IL23R: variants seen among roughly 807,000 people sequenced by gnomAD.
The protein encoded by IL23R is interleukin 23 receptor.
IL23R carries 34 observed loss-of-function variants against 56.9 expected under a neutral mutation model. The observed-to-expected ratio is 0.60, with a 90% CI of 0.45 to 0.80. IL23R has a LOEUF of 0.80. Among genes scored for constraint, IL23R ranks in the 30% least tolerant of loss-of-function variants. IL23R has a pLI of 0.00. For missense variants in IL23R, 635 were observed against 730.0 expected, an observed-to-expected ratio of 0.87 and a Z score of 1.50; for synonymous variants, 230 against 249.2, an observed-to-expected ratio of 0.92 and a Z score of 0.73.
chr1:67,219,346 C>A (rs993339369), intron 6 of IL23R, among the ~76,000 whole-genome samples: 1 of 152,074 alleles, frequency 6.6e-6, no homozygotes, highest in Non-Finnish European at 1.5e-5. Flanking sequence ...CCAGCCTGGG[C>A]AATAGAGCGA....
intron 1 of IL23R, among the ~76,000 whole-genome samples, chr1:67,150,248 C>CTTTTTTTTTTTTTTTTTTT (rs552806817): frequency 3.6e-5 from 4 of 110,262 alleles, no homozygotes; most frequent in Non-Finnish European, 3.5e-5. Flanking sequence ...GCATTTCGAA[C>CTTTTTTTTTTTTTTTTTTT]TTTTTTTTTT....
intron 9 of IL23R, 72 bp downstream of exon 9, chr1:67,240,353 C>A (rs1651769337): frequency 1.1e-6 from 1 of 901,268 alleles, no homozygotes; most frequent in Non-Finnish European, 1.8e-6. Flanking sequence ...TTAGTCATTT[C>A]AGTTGTTTAC....
rs569973121 is a variant in IL23R at position 67,214,606 on chromosome 1, G to T, written c.799-4968G>T. 3.3e-5 allele frequency among the ~76,000 whole-genome samples: 5 copies of T among 152,280 alleles called. No homozygotes were observed. In the East Asian group the frequency reaches 9.6e-4, roughly 29 times the overall value. ...GAATGAGAGTTTCAACCAGAAAACA[G>T]TTGGTTTCTGAAAACTTATTCAGAG... is the stretch of plus-strand genomic sequence containing the variant. On this transcript the variant is annotated intron_variant, in intron 6 of 10. Coordinates refer to ENST00000347310, the MANE Select transcript of IL23R (RefSeq NM_144701.3).
At chr1:67,265,836 T>C in the IL23R span, among the ~76,000 whole-genome samples, 11 of 151,334 alleles carry the variant, frequency 7.3e-5, no homozygotes, top group African/African-American at 2.2e-4. Flanking sequence ...AGCCCAGGAG[T>C]CCAACACCAG....
Position 67,219,637 on chromosome 1 carries a change from A to G in IL23R, c.862A>G (p.Ile288Val). Reference protein sequence around the residue: ...QQSEFYLEPNIKYVFQVRCQE... With the variant: ...QQSEFYLEPNVKYVFQVRCQE... ...GTCAGAATTCTACTTGGAGCCAAAC[A>G]TTAAGTACGTATTTCAAGTGAGATG... is the stretch of plus-strand genomic sequence containing the variant. Residue 288 changes from isoleucine to valine, a missense_variant, in exon 7 of 11, where the codon ATT becomes GTT. By Grantham distance (29) the Ile-to-Val change is conservative. Coordinates refer to ENST00000347310, the MANE Select transcript of IL23R (RefSeq NM_144701.3). The G allele has an allele frequency of 6.2e-7, 1 of 1,614,148 alleles. No individual in the cohort carries two copies. Among genetic ancestry groups the G allele is most frequent in the Non-Finnish European group, 8.5e-7 (1 of 1,179,960 alleles).
At chr1:67,257,720 T>C (rs778908154) in intron 10 of IL23R, among the ~76,000 whole-genome samples, 2 of 152,204 alleles carry the variant, frequency 1.3e-5, no homozygotes, top group Non-Finnish European at 2.9e-5. Flanking sequence ...GTTTTTTGTT[T>C]TGAGACAGAG....
intron 9 of IL23R, among the ~76,000 whole-genome samples, chr1:67,245,872 T>G (rs934023564): frequency 6.6e-6 from 1 of 152,212 alleles, no homozygotes; most frequent in Non-Finnish European, 1.5e-5. Flanking sequence ...TTGGAACAGT[T>G]TCAGAAGGAA....
chr1:67,244,610 T>C (rs1437573535), intron 9 of IL23R, among the ~76,000 whole-genome samples: 1 of 152,134 alleles, frequency 6.6e-6, no homozygotes, highest in Non-Finnish European at 1.5e-5. Context: ...TTGTCAAAGA[T>C]CAGATGGTTG....
intron 7 of IL23R, among the ~76,000 whole-genome samples, chr1:67,227,383 G>A (rs1650687663): frequency 6.6e-6 from 1 of 151,354 alleles, no homozygotes; most frequent in South Asian, 2.1e-4. Context: ...TCACTTGCTT[G>A]AATTGCTGCT....
intron 7 of IL23R, among the ~76,000 whole-genome samples, chr1:67,228,017 TCTTCC>T (rs1650789930): frequency 9.6e-6 from 1 of 103,948 alleles, no homozygotes; most frequent in Non-Finnish European, 2.1e-5. Context: ...TTTCTTTCTT[TCTTCC>T]TTTCTTTCTT....
At chr1:67,234,175 A>G (rs1388879041) in intron 7 of IL23R, among the ~76,000 whole-genome samples, 1 of 152,208 alleles carries the variant, frequency 6.6e-6, no homozygotes, top group Non-Finnish European at 1.5e-5. Flanking sequence ...GAAATGACGT[A>G]GCCACGTGGT....
chr1:67,191,345 A>G (rs946011452), intron 4 of IL23R, among the ~76,000 whole-genome samples: 1 of 152,174 alleles, frequency 6.6e-6, no homozygotes, highest in African/African-American at 2.4e-5. Flanking sequence ...CTGTACCCAT[A>G]TAGTTGATCT....
At chr1:67,179,924 C>T (rs879016575) in intron 3 of IL23R, among the ~76,000 whole-genome samples, 1 of 152,060 alleles carries the variant, frequency 6.6e-6, no homozygotes, top group Non-Finnish European at 1.5e-5. Context: ...TGTAGTTGAG[C>T]AGTTTTGAGT....
At chr1:67,141,830 T>A (rs1163247671) in intron 1 of IL23R, among the ~76,000 whole-genome samples, 2 of 152,026 alleles carry the variant, frequency 1.3e-5, no homozygotes, top group Non-Finnish European at 2.9e-5. Flanking sequence ...CCCAGTCGAT[T>A]AACATCCAAA....
downstream of IL23R, among the ~76,000 whole-genome samples, chr1:67,260,715 T>A (rs1187044675): frequency 2.0e-5 from 3 of 152,144 alleles, no homozygotes; most frequent in African/African-American, 7.2e-5. Context: ...AAGGACAACT[T>A]TTCTGAATGA....
Position 67,231,469 on chromosome 1 carries a change from T to C in IL23R, c.956-5244T>C, listed in dbSNP as rs530602178. ...AAACCTCATGACCTCACTGCTTTTA[T>C]CTAATTTTACAAATGAAGAAACTGA... On this transcript the variant is annotated intron_variant, in intron 7 of 10. Coordinates refer to ENST00000347310, the MANE Select transcript of IL23R (RefSeq NM_144701.3). 1.0e-3 allele frequency among the ~76,000 whole-genome samples: 157 copies of C among 152,250 alleles called. 1 individual carries two copies. The highest frequency in any genetic ancestry group is 6.8e-3 in the Middle Eastern group (2 of 294).
At chr1:67,154,321 T>G (rs1487209516) in intron 1 of IL23R, among the ~76,000 whole-genome samples, 5 of 152,212 alleles carry the variant, frequency 3.3e-5, no homozygotes, top group Admixed American at 3.3e-4. Flanking sequence ...TTGTTAATTC[T>G]CTGTCTCGTT....
chr1:67,192,893 A>C lies in IL23R; in HGVS notation c.492-7844A>C, dbSNP rs547785558. 2.0e-5 allele frequency among the ~76,000 whole-genome samples: 3 copies of C among 152,170 alleles called. No individual in the cohort carries two copies. The East Asian group carries it at 5.8e-4, about 29-fold the overall frequency. On this transcript the variant is annotated intron_variant, in intron 4 of 10. Coordinates refer to ENST00000347310, the MANE Select transcript of IL23R (RefSeq NM_144701.3). ...CCCTTATTCATGAGTTTTCACAGTA[A>C]TCCTTTTCACATGCACCTCAGGCCA...
At chr1:67,228,893 T>C (rs1284818859) in intron 7 of IL23R, among the ~76,000 whole-genome samples, 4 of 152,182 alleles carry the variant, frequency 2.6e-5, no homozygotes, top group Non-Finnish European at 5.9e-5. Flanking sequence ...GATAGCCACT[T>C]CCTCTCAATT....
Sources: allele counts gnomAD v4.1 joint callset (sites outside exome capture counted in the v4.1 genomes callset), GRCh38; gene constraint gnomAD v4.1.1; transcripts MANE v1.5; gene names NCBI Gene and HGNC (gene_info 2026-07-23, HGNC 2026-07-21).